YAP1: variants seen among roughly 807,000 people sequenced by gnomAD.
YAP1 encodes transcriptional coactivator YAP1.
Under a neutral mutation model 56.9 loss-of-function variants are expected in YAP1, and 5 were observed. That is an observed-to-expected ratio of 0.09 (90% CI 0.05 to 0.18). YAP1 has a LOEUF of 0.18. Ranked by LOEUF, YAP1 falls within the 10% of genes least tolerant of loss-of-function variation. YAP1 has a pLI of 1.00. For missense variants in YAP1, 539 were observed against 651.8 expected (o/e 0.83, Z 1.88); for synonymous variants, 265 against 248.1 (o/e 1.07, Z -0.64).
intron 1 of YAP1, chr11:102,112,885 C>G (rs538168961): frequency 2.8e-5 from 17 of 605,946 alleles, no homozygotes; most frequent in East Asian, 1.4e-4. Context: ...TTTGTGGCAT[C>G]AGCCACAAAG....
Position 102,185,362 on chromosome 11 carries a change from A to G in YAP1, c.689-656A>G, listed in dbSNP as rs547505242. 3.9e-5 allele frequency among the ~76,000 whole-genome samples: 6 copies of G among 152,316 alleles called. No individual in the cohort carries two copies. The East Asian group carries it at 7.7e-4, about 20-fold the overall frequency. On this transcript the variant is annotated intron_variant, in intron 3 of 8. Coordinates refer to ENST00000282441, the MANE Select transcript of YAP1 (RefSeq NM_001130145.3). ...GTTCCTTAAAGTTTGCCTTCCAACA[A>G]CTTTAGCACTTATCTTGCCTCCTCC... is the stretch of plus-strand genomic sequence containing the variant.
intron 4 of YAP1, among the ~76,000 whole-genome samples, chr11:102,193,483 G>C (rs544946524): frequency 6.6e-6 from 1 of 151,972 alleles, no homozygotes; most frequent in South Asian, 2.1e-4. Context: ...GGTTAGCTAG[G>C]GAAAATATCC....
chr11:102,212,174 A>G (rs764711280), intron 6 of YAP1, among the ~76,000 whole-genome samples: 2 of 152,236 alleles, frequency 1.3e-5, no homozygotes, highest in African/African-American at 4.8e-5. Context: ...ATACTTTGTA[A>G]TAGATATTAA....
In YAP1 at chr11:102,150,071, G is replaced by C. The variant is rs540253777; in HGVS notation, c.573-12385G>C. Among the ~76,000 whole-genome samples the C allele has an allele frequency of 1.9e-4, 25 of 134,976 alleles. No individual in the cohort carries two copies. The East Asian group carries it at 2.7e-3, about 14-fold the overall frequency. 88.5% of individuals were successfully genotyped at this position (134,976 alleles called of 152,430 possible). ...GCTATCTCGGCTCCTTGCAACTTCC[G>C]TCTAGTGGATTCAAGCGATTCTCCT... On this transcript the variant is annotated intron_variant, in intron 2 of 8. Transcript: ENST00000282441.
chr11:102,182,055 C>T (rs146076884), intron 3 of YAP1, among the ~76,000 whole-genome samples: 1 of 152,066 alleles, frequency 6.6e-6, no homozygotes, highest in African/African-American at 2.4e-5. Flanking sequence ...CTCCTGACCT[C>T]GTGATCCCCT....
intron 2 of YAP1, among the ~76,000 whole-genome samples, chr11:102,125,252 G>A (rs1439676703): frequency 6.6e-6 from 1 of 151,678 alleles, no homozygotes; most frequent in Non-Finnish European, 1.5e-5. Flanking sequence ...GAACTCCTGG[G>A]CTCAAATGAT....
chr11:102,190,974 G>C (rs1308230843), intron 4 of YAP1, among the ~76,000 whole-genome samples: 2 of 151,882 alleles, frequency 1.3e-5, no homozygotes, highest in African/African-American at 4.8e-5. Context: ...TAGAGATCAA[G>C]ACCATCCTGG....
intron 2 of YAP1, among the ~76,000 whole-genome samples, chr11:102,143,434 T>C (rs1370453458): frequency 6.6e-6 from 1 of 152,210 alleles, no homozygotes; most frequent in Non-Finnish European, 1.5e-5. Flanking sequence ...TGGCATATAC[T>C]TTTTCATATC....
At chr11:102,208,700 G>A (rs967286114) in intron 5 of YAP1, among the ~76,000 whole-genome samples, 3 of 152,070 alleles carry the variant, frequency 2.0e-5, no homozygotes, top group African/African-American at 7.2e-5. Flanking sequence ...TGTTGTTGCC[G>A]AGTAGTAGTT....
At chr11:102,164,033 A>AT (rs1195676032) in intron 3 of YAP1, among the ~76,000 whole-genome samples, 9 of 151,178 alleles carry the variant, frequency 6.0e-5, no homozygotes, top group African/African-American at 2.2e-4. Context: ...CTTAAGTAAA[A>AT]ATTTTTTTTT....
chr11:102,137,089 A>G (rs118081931), intron 2 of YAP1, among the ~76,000 whole-genome samples: 3,494 of 152,318 alleles, frequency 0.023, 62 homozygotes, highest in Middle Eastern at 0.051. Context: ...GTCTATGACA[A>G]TGGTAAAAAC....
At chr11:102,223,577 G>A (rs772738702) in intron 6 of YAP1, 45 bp from the exon 7 acceptor site, 4 of 1,597,434 alleles carry the variant, frequency 2.5e-6, no homozygotes, top group African/African-American at 1.3e-5. Flanking sequence ...AACATTAAAT[G>A]TGTTAATCAG....
In YAP1 at chr11:102,158,850, T is replaced by C. The variant is rs112905912; in HGVS notation, c.573-3606T>C. Among the ~76,000 whole-genome samples the C allele has an allele frequency of 2.8e-3, 430 of 152,330 alleles. 1 individual carries two copies. Among genetic ancestry groups the C allele is most frequent in the African/African-American group, 0.01 (423 of 41,570 alleles). On this transcript the variant is annotated intron_variant, in intron 2 of 8. Coordinates refer to ENST00000282441, the MANE Select transcript of YAP1 (RefSeq NM_001130145.3). ...ATTATGTTGTTCAGTGTTCCTTAAA[T>C]AAGGGTTATAGATTCAGCATTTGAA...
intron 1 of YAP1, among the ~76,000 whole-genome samples, chr11:102,113,851 GT>G (rs1384937912): frequency 6.6e-6 from 1 of 152,106 alleles, no homozygotes; most frequent in African/African-American, 2.4e-5. Context: ...TTTTTGGAAT[GT>G]TTTATTCATT....
chr11:102,117,830 G>A (rs138620719), intron 2 of YAP1, among the ~76,000 whole-genome samples: 105 of 152,292 alleles, frequency 6.9e-4, no homozygotes, highest in African/African-American at 2.4e-3. Flanking sequence ...CTTTACCATC[G>A]TATTGAGCTT....
intron 6 of YAP1, among the ~76,000 whole-genome samples, chr11:102,209,956 A>G (rs972635177): frequency 3.9e-5 from 6 of 152,258 alleles, no homozygotes; most frequent in Admixed American, 3.9e-4. Flanking sequence ...TTACTTGGAT[A>G]GGCTACTTTA....
At chr11:102,117,562 A>G (rs1454470131) in intron 2 of YAP1, among the ~76,000 whole-genome samples, 1 of 152,202 alleles carries the variant, frequency 6.6e-6, no homozygotes, top group Non-Finnish European at 1.5e-5. Flanking sequence ...TAGTTGGCCT[A>G]TCATCTAGTT....
intron 3 of YAP1, among the ~76,000 whole-genome samples, chr11:102,178,191 C>G (rs1947375132): frequency 6.6e-6 from 1 of 152,162 alleles, no homozygotes; most frequent in South Asian, 2.1e-4. Context: ...ATCATAAATA[C>G]ACGAGACCAG....
intron 4 of YAP1, among the ~76,000 whole-genome samples, chr11:102,197,429 G>A (rs956913758): frequency 1.3e-5 from 2 of 152,072 alleles, no homozygotes; most frequent in Non-Finnish European, 2.9e-5. Context: ...AAGTTTTGAG[G>A]TTACAAATCA....
Sources: allele counts gnomAD v4.1 joint callset (sites outside exome capture counted in the v4.1 genomes callset), GRCh38; gene constraint gnomAD v4.1.1; transcripts MANE v1.5; gene names NCBI Gene and HGNC (gene_info 2026-07-23, HGNC 2026-07-21).